The following SETD2 variants were observed in gnomAD, a reference collection of about 807,000 sequenced individuals.
The protein encoded by SETD2 is histone-lysine N-methyltransferase SETD2.
In SETD2, 31 loss-of-function variants were observed where a neutral mutation model predicts 242.1. The observed-to-expected ratio is 0.13, with a 90% CI of 0.10 to 0.17. The LOEUF (loss-of-function observed/expected upper bound fraction) is 0.17. Among genes scored for constraint, SETD2 ranks in the 10% least tolerant of loss-of-function variants. The probability of loss-of-function intolerance (pLI) is 1.00; values close to 1 mark genes in which losing one functional copy is unlikely to be tolerated. For missense variants in SETD2, 2,481 were observed against 3,046.3 expected (o/e 0.81, Z 4.37); for synonymous variants, 1,006 against 1,066.5 (o/e 0.94, Z 1.11).
chr3:47,097,781 C>T lies in SETD2; in HGVS notation c.5142+174G>A, dbSNP rs1043291534. ...TTTAATAGTTCTCAGTACCCAATTC[C>T]AATCTCTATGAATCTGAAATAAAAA... On this transcript the variant is annotated intron_variant, in intron 9 of 20. Coordinates refer to ENST00000409792, the MANE Select transcript of SETD2 (RefSeq NM_014159.7). Among the ~76,000 whole-genome samples, 4 of 152,156 alleles carry T rather than the reference C, an allele frequency of 2.6e-5. No individual in the cohort carries two copies. In the East Asian group the frequency reaches 5.8e-4, roughly 22 times the overall value.
intron 13 of SETD2, among the ~76,000 whole-genome samples, chr3:47,064,202 G>A (rs1047320330): frequency 2.6e-5 from 4 of 152,096 alleles, no homozygotes; most frequent in Admixed American, 6.6e-5. Flanking sequence ...CTCAGCAACC[G>A]AGTTAGGTTT....
At chr3:47,116,154 C>T (rs1388050800) in intron 4 of SETD2, among the ~76,000 whole-genome samples, 1 of 150,042 alleles carries the variant, frequency 6.7e-6, no homozygotes, top group African/African-American at 2.5e-5. Flanking sequence ...TATCTGTATA[C>T]ATAAAAAGAG....
chr3:47,157,314 T>C (rs1158392145), intron 1 of SETD2, among the ~76,000 whole-genome samples: 2 of 152,104 alleles, frequency 1.3e-5, no homozygotes, highest in South Asian at 2.1e-4. Context: ...CCTAGATACA[T>C]GGGACAATCA....
chr3:47,033,929 C>T (rs2038890070), intron 18 of SETD2, among the ~76,000 whole-genome samples: 1 of 152,112 alleles, frequency 6.6e-6, no homozygotes, highest in African/African-American at 2.4e-5. Context: ...CCTGGGCCTC[C>T]CAAAGTGCTA....
chr3:47,122,906 T>C lies in SETD2; in HGVS notation c.1730A>G (p.Glu577Gly). 6.2e-7 allele frequency: 1 copy of C among 1,610,592 alleles called. No individual in the cohort carries two copies. The stretch of plus-strand genomic sequence containing the variant: ...AGACTGTTTGATTTCTTCATTTAAT[T>C]CTGTACAACAGAAAGAATTTTTAAA... ...DKFKNSFCCT[E>G]LNEEIKQSHS... The change falls in exon 3 of 21, where the codon GAA becomes GGA. Residue 577 changes from glutamate (E) to glycine (G), a missense_variant. Glu to Gly is a moderately conservative substitution (Grantham distance 98). Coordinates refer to ENST00000409792, the MANE Select transcript of SETD2 (RefSeq NM_014159.7).
rs2107727829 is a variant in SETD2 at position 47,116,627 on chromosome 3, C to A, written c.4582G>T (p.Glu1528Ter). The change falls in exon 4 of 21, where the codon GAA becomes TAA. Residue 1528 changes from glutamate (E) to a stop codon, truncating the protein, a stop_gained. Coordinates refer to ENST00000409792, the MANE Select transcript of SETD2 (RefSeq NM_014159.7). LOFTEE classifies it high-confidence loss of function. ...CGAGTATTCTAATTTACTTACCATT[C>A]AATCATGAGAAGACGATTAAGACAA... is the stretch of plus-strand genomic sequence containing the variant. ...EDCLNRLLMI[E>*]CSSRCPNGDY... 1 of 1,608,062 alleles carries A rather than the reference C, an allele frequency of 6.2e-7. No homozygotes were observed. Among genetic ancestry groups the A allele is most frequent in the South Asian group, 1.1e-5 (1 of 89,270 alleles).
Position 47,123,098 on chromosome 3 carries a change from T to G in SETD2, c.1538A>C (p.Lys513Thr). ...AGTCCTTTTAGATTCTCTTTCTAGT[T>G]TTGAAGAATACTTGCCTCTTCTTTC... ...EMERRGKYSS[K>T]LERESKRTSE... is the part of the protein sequence containing the mutation. The change falls in exon 3 of 21, where the codon AAA (lysine) becomes ACA (threonine). Residue 513 changes from lysine to threonine, a missense_variant. Physicochemically the swap from Lys to Thr is moderately conservative, Grantham distance 78. Around this residue, in one of 17 missense-constraint regions of SETD2, gnomAD observed 1,300 missense variants for 1,259.2 expected, o/e 1.03. Transcript: ENST00000409792. 1 of 1,613,674 alleles carries G rather than the reference T, an allele frequency of 6.2e-7. No individual in the cohort carries two copies. The highest frequency in any genetic ancestry group is 8.5e-7 in the Non-Finnish European group (1 of 1,179,704).
intron 15 of SETD2, among the ~76,000 whole-genome samples, chr3:47,047,677 A>C (rs1436718015): frequency 6.6e-6 from 1 of 152,232 alleles, no homozygotes; most frequent in Non-Finnish European, 1.5e-5. Context: ...GGAAAAGAAC[A>C]CTTAATTTGG....
chr3:47,128,193 C>T (rs1001805638), intron 1 of SETD2, among the ~76,000 whole-genome samples: 1 of 152,312 alleles, frequency 6.6e-6, no homozygotes, highest in Admixed American at 6.5e-5. Flanking sequence ...TTTTTGGTAT[C>T]TGTTCAACAG....
intron 13 of SETD2, among the ~76,000 whole-genome samples, chr3:47,063,462 G>A (rs1040013461): frequency 6.6e-6 from 1 of 152,040 alleles, no homozygotes; most frequent in African/African-American, 2.4e-5. Context: ...GGGCAACAGA[G>A]CAAGATCCTG....
At chr3:47,105,604 C>G in intron 6 of SETD2, 1 of 408,240 alleles carries the variant, frequency 2.4e-6, no homozygotes, top group African/African-American at 2.1e-5. Flanking sequence ...TACTGCTCTG[C>G]CCCTCATTTT....
intron 12 of SETD2, chr3:47,080,820 A>G: frequency 2.0e-6 from 2 of 986,528 alleles, no homozygotes; most frequent in Non-Finnish European, 2.4e-6. Flanking sequence ...TCTCGCCAGG[A>G]GTAGGGATTT....
intron 14 of SETD2, among the ~76,000 whole-genome samples, chr3:47,058,455 A>AC (rs1559674384): frequency 6.7e-6 from 1 of 149,106 alleles, no homozygotes; most frequent in Non-Finnish European, 1.5e-5. Flanking sequence ...AAAAAAAAAA[A>AC]AAAAAAAAAC....
intron 15 of SETD2, among the ~76,000 whole-genome samples, chr3:47,052,061 A>G (rs2039870140): frequency 6.6e-6 from 1 of 152,112 alleles, no homozygotes; most frequent in Non-Finnish European, 1.5e-5. Context: ...GTTTCTATAA[A>G]CCAGTTTGAC....
In SETD2 at chr3:47,123,004, T is replaced by C. The variant is rs773360536; in HGVS notation, c.1632A>G (p.Ser544=). 5.0e-6 allele frequency: 8 copies of C among 1,613,726 alleles called. No homozygotes were observed. Among genetic ancestry groups the C allele is most frequent in the African/African-American group, 4.0e-5 (3 of 74,946 alleles). Residue 544 remains serine, a synonymous_variant, in exon 3 of 21, where the codon TCA becomes TCG. Coordinates refer to ENST00000409792, the MANE Select transcript of SETD2 (RefSeq NM_014159.7). ...AAGCACTACTGTCATGCTTAGAATA[T>C]GATGACCCTCGTCGGAATCCCAGTT... ...PNELGFRRGS[S]YSKHDSSASR... is the part of the protein sequence containing the mutation.
At chr3:47,049,721 C>G (rs1017195681) in intron 15 of SETD2, among the ~76,000 whole-genome samples, 1 of 145,548 alleles carries the variant, frequency 6.9e-6, no homozygotes, top group Non-Finnish European at 1.5e-5. Flanking sequence ...AATATATAAA[C>G]TTATTCTGAG....
In SETD2 at chr3:47,121,607, T is replaced by C. The variant is rs1422889241; in HGVS notation, c.3029A>G (p.Glu1010Gly). 1.9e-6 allele frequency: 3 copies of C among 1,614,132 alleles called. No individual in the cohort carries two copies. The highest frequency in any genetic ancestry group is 2.5e-6 in the Non-Finnish European group (3 of 1,180,022). Residue 1010 changes from glutamate to glycine, a missense_variant, in exon 3 of 21, where the codon GAA (glutamate) becomes GGA (glycine). By Grantham distance (98) the Glu-to-Gly change is moderately conservative. Transcript: ENST00000409792. ...TGCATAAGTTACACCATCACTGTCT[T>C]CCATGGTTAAATTCAAATCACAAGA... ...FSSCDLNLTM[E>G]DSDGVTYALK...
At chr3:47,060,674 C>A (rs2040292414) in intron 14 of SETD2, among the ~76,000 whole-genome samples, 1 of 152,024 alleles carries the variant, frequency 6.6e-6, no homozygotes, top group Admixed American at 6.6e-5. Flanking sequence ...AAAAAAATCA[C>A]CTCCTCAAGG....
chr3:47,063,214 T>G (rs374224785), intron 13 of SETD2, among the ~76,000 whole-genome samples: 1 of 152,230 alleles, frequency 6.6e-6, no homozygotes, highest in Admixed American at 6.5e-5. Flanking sequence ...AGTTCAAACC[T>G]GTGTTGTTCA....
Sources: allele counts gnomAD v4.1 joint callset (sites outside exome capture counted in the v4.1 genomes callset), GRCh38; gene constraint gnomAD v4.1.1; regional missense constraint gnomAD v4.1.1; transcripts MANE v1.5; gene names NCBI Gene and HGNC (gene_info 2026-07-23, HGNC 2026-07-21).